The following RNF145 variants were observed in gnomAD, a reference collection of about 807,000 sequenced individuals.
RNF145 encodes the protein ring finger protein 145.
RNF145 carries 12 observed loss-of-function variants against 57.3 expected under a neutral mutation model. The ratio of observed to expected loss-of-function variants is 0.21; its 90% CI spans 0.13 to 0.34. RNF145 has a LOEUF of 0.34. Among genes scored for constraint, RNF145 ranks in the 10% least tolerant of loss-of-function variants. The pLI is 1.00. For synonymous variants in RNF145, 262 were observed against 288.3 expected (o/e 0.91, Z 0.92); for missense variants, 429 against 799.0 (o/e 0.54, Z 5.58).
intron 1 of RNF145, chr5:159,208,210 G>A (rs1785970141): frequency 7.7e-6 from 10 of 1,306,478 alleles, no homozygotes; most frequent in Non-Finnish European, 8.8e-6. Context: ...CGCAGCAGCA[G>A]TAGCAGCAGC....
At chr5:159,197,110 T>C (rs1002148746) in intron 2 of RNF145, among the ~76,000 whole-genome samples, 19 of 152,172 alleles carry the variant, frequency 1.2e-4, no homozygotes, top group African/African-American at 4.1e-4. Context: ...TTAGACAAAA[T>C]TGATGCTATA....
rs892061608 is a variant in RNF145 at position 159,157,732 on chromosome 5, AC to A, written c.*937del. On this transcript the variant is annotated 3_prime_UTR_variant, in exon 11 of 11. Coordinates refer to ENST00000424310, the MANE Select transcript of RNF145 (RefSeq NM_001199383.2). ...AGTGGCATTTGCAGAGTGTGATCATACAGTTATGTACTCATTCCCAAAGTGC... is the reference window on the plus strand; with the variant it reads ...AGTGGCATTTGCAGAGTGTGATCATAAGTTATGTACTCATTCCCAAAGTGC... The A allele has an allele frequency of 3.3e-5, 5 of 152,900 alleles. No individual in the cohort carries two copies. Among genetic ancestry groups the A allele is most frequent in the Admixed American group, 2.0e-4 (3 of 15,306 alleles). The allele number at this position is 152,900 out of a possible 1,614,324, so 9.5% of individuals were successfully genotyped here. A position where few individuals can be genotyped will look rare whatever the true frequency, so the allele number is the denominator to read the frequency against.
intron 1 of RNF145, among the ~76,000 whole-genome samples, chr5:159,206,145 C>T (rs1785872482): frequency 6.6e-6 from 1 of 152,106 alleles, no homozygotes. Flanking sequence ...GTCCCGAAAG[C>T]TGTCAATAAA....
At position 159,181,230 on chromosome 5, in the gene RNF145, T is replaced by TCCC. The variant is rs559857224; in HGVS notation, c.385+727_385+729dup. On this transcript the variant is annotated intron_variant, in intron 4 of 10. Coordinates refer to ENST00000424310, the MANE Select transcript of RNF145 (RefSeq NM_001199383.2). ...TGAGTCAGACACCAGTCCACAGCAT[T>TCCC]CCCCCCTTCACCACACAAGACACAT... Among the ~76,000 whole-genome samples, 54 of 151,356 alleles carry TCCC rather than the reference T, an allele frequency of 3.6e-4. No individual in the cohort carries two copies. The South Asian group carries it at 0.011, about 31-fold the overall frequency.
intron 8 of RNF145, among the ~76,000 whole-genome samples, chr5:159,163,533 T>C (rs1159281769): frequency 6.6e-6 from 1 of 152,168 alleles, no homozygotes; most frequent in African/African-American, 2.4e-5. Context: ...TAGGAATGAC[T>C]CTCCAATGAG....
chr5:159,184,704 T>C (rs1390083642), intron 3 of RNF145, among the ~76,000 whole-genome samples: 3 of 152,228 alleles, frequency 2.0e-5, no homozygotes, highest in African/African-American at 7.2e-5. Context: ...TCTTAAATAC[T>C]ACTTATTTTA....
At chr5:159,170,279 A>G (rs1170311271) in intron 6 of RNF145, among the ~76,000 whole-genome samples, 1 of 151,954 alleles carries the variant, frequency 6.6e-6, no homozygotes, top group Non-Finnish European at 1.5e-5. Context: ...AGGGTGTATC[A>G]CTCCTCCTAC....
At chr5:159,207,284 T>C (rs1414851270) in intron 1 of RNF145, among the ~76,000 whole-genome samples, 1 of 152,150 alleles carries the variant, frequency 6.6e-6, no homozygotes, top group Non-Finnish European at 1.5e-5. Context: ...TGAAGAACTA[T>C]GTCAAATAAG....
At chr5:159,201,913 T>C (rs973066501) in intron 2 of RNF145, among the ~76,000 whole-genome samples, 5 of 152,226 alleles carry the variant, frequency 3.3e-5, no homozygotes, top group African/African-American at 9.6e-5. Flanking sequence ...AAGGTGAAAT[T>C]TGATTTGTAT....
chr5:159,194,957 A>C, intron 2 of RNF145, 133 bp from the exon 3 acceptor site: 1 of 602,046 alleles, frequency 1.7e-6, no homozygotes, highest in Non-Finnish European at 2.9e-6. Flanking sequence ...TATACTTACC[A>C]AAGTAAGTTT....
At chr5:159,184,024 A>T (rs2113166173) in intron 3 of RNF145, among the ~76,000 whole-genome samples, 1 of 152,332 alleles carries the variant, frequency 6.6e-6, no homozygotes, top group South Asian at 2.1e-4. Flanking sequence ...CAGCTCCAAG[A>T]GCACTATCCC....
intron 3 of RNF145, among the ~76,000 whole-genome samples, chr5:159,187,568 T>G (rs1488281109): frequency 6.6e-6 from 1 of 152,028 alleles, no homozygotes; most frequent in Non-Finnish European, 1.5e-5. Context: ...ACCTTGTGAT[T>G]CACCCGCCTC....
intron 1 of RNF145, chr5:159,208,117 C>T: frequency 4.2e-6 from 6 of 1,439,332 alleles, no homozygotes; most frequent in Non-Finnish European, 5.4e-6. Context: ...TCCTCTCTCC[C>T]CGCACCTCCT....
intron 2 of RNF145, among the ~76,000 whole-genome samples, chr5:159,195,205 A>G (rs945590282): frequency 1.3e-5 from 2 of 152,074 alleles, no homozygotes; most frequent in Non-Finnish European, 2.9e-5. Context: ...TGCCCCTTCC[A>G]TGTGATTTAA....
intron 8 of RNF145, among the ~76,000 whole-genome samples, chr5:159,167,270 AG>A (rs1315653374): frequency 6.6e-6 from 1 of 152,196 alleles, no homozygotes; most frequent in Admixed American, 6.5e-5. Flanking sequence ...CACAGCCAAG[AG>A]GGCAGCCTCT....
chr5:159,196,089 AC>A (rs1266985296), intron 2 of RNF145, among the ~76,000 whole-genome samples: 1 of 152,244 alleles, frequency 6.6e-6, no homozygotes, highest in East Asian at 1.9e-4. Flanking sequence ...ACAGTATACT[AC>A]CATCCTTCTT....
chr5:159,179,418 C>T (rs996931105), intron 4 of RNF145, among the ~76,000 whole-genome samples: 8 of 151,940 alleles, frequency 5.3e-5, no homozygotes, highest in African/African-American at 1.9e-4. Flanking sequence ...AGGTTGGCAA[C>T]CCTAAGAAAT....
chr5:159,205,514 T>C (rs1785846152), intron 1 of RNF145, among the ~76,000 whole-genome samples: 1 of 152,192 alleles, frequency 6.6e-6, no homozygotes. Flanking sequence ...GTATAAGCCA[T>C]CTAGATAACT....
At chr5:159,195,256 T>C (rs567482585) in intron 2 of RNF145, among the ~76,000 whole-genome samples, 6 of 152,192 alleles carry the variant, frequency 3.9e-5, no homozygotes, top group Non-Finnish European at 5.9e-5. Context: ...CTATCTCCTA[T>C]ACTTTCAGTC....
Sources: gnomAD v4.1 joint callset for allele counts (sites outside exome capture counted in the v4.1 genomes callset) on GRCh38, gnomAD v4.1.1 for gene constraint, MANE v1.5 for transcripts, NCBI Gene and HGNC (gene_info 2026-07-23, HGNC 2026-07-21) for gene names.